The following MTR variants were observed in gnomAD, a reference collection of about 807,000 sequenced individuals.
MTR encodes the protein 5-methyltetrahydrofolate-homocysteine methyltransferase.
Under a neutral mutation model 154.8 loss-of-function variants are expected in MTR, and 84 were observed. The observed-to-expected ratio is 0.54, with a 90% CI of 0.45 to 0.65. MTR has a LOEUF of 0.65. Among genes scored for constraint, MTR ranks in the 30% least tolerant of loss-of-function variants. The pLI, the probability that MTR is intolerant of heterozygous loss-of-function variation, is 0.00. For synonymous variants in MTR, 554 were observed against 553.9 expected (o/e 1.00, Z 0.00); for missense variants, 1,275 against 1,570.2 (o/e 0.81, Z 3.18).
At chr1:236,894,327 C>T (rs1441880132) in intron 29 of MTR, 30 bp from the exon 30 acceptor site, 24 of 1,612,882 alleles carry the variant, frequency 1.5e-5, no homozygotes, top group Non-Finnish European at 2.0e-5. Context: ...AACGGCGCCC[C>T]CGCACACTCC....
Position 236,824,151 on chromosome 1 carries a change from A to G in MTR, c.797A>G (p.Glu266Gly). 1 of 1,614,086 alleles carries G rather than the reference A, an allele frequency of 6.2e-7. No individual in the cohort carries two copies. Residue 266 changes from glutamate (E) to glycine (G), a missense_variant, in exon 9 of 33, where the codon GAA (glutamate) becomes GGA (glycine). By Grantham distance (98) the Glu-to-Gly change is moderately conservative. Coordinates refer to ENST00000366577, the MANE Select transcript of MTR (RefSeq NM_000254.3). ...IGLNCALGAA[E>G]MRPFIEIIGK... The stretch of plus-strand genomic sequence containing the variant: ...TTAAATTGTGCTTTGGGTGCAGCTG[A>G]AATGAGACCTTTTATTGAAATAATT...
At chr1:236,872,195 G>A (rs1273169211) in intron 22 of MTR, among the ~76,000 whole-genome samples, 1 of 152,130 alleles carries the variant, frequency 6.6e-6, no homozygotes, top group Non-Finnish European at 1.5e-5. Context: ...AGACATTCCT[G>A]TTTCCTCTGA....
chr1:236,853,572 A>G (rs1415495969), intron 18 of MTR, among the ~76,000 whole-genome samples: 1 of 152,168 alleles, frequency 6.6e-6, no homozygotes, highest in Non-Finnish European at 1.5e-5. Context: ...AGATGCTTTT[A>G]TGGTAATATT....
Position 236,897,042 on chromosome 1 carries a change from C to T in MTR, c.3635C>T (p.Ala1212Val). ...RLTESLAMAPASAVSGLYFSN... is the reference protein window; with the variant it reads ...RLTESLAMAPVSAVSGLYFSN... ...ACAGAATCATTAGCAATGGCACCTG[C>T]TTCAGCAGTCTCAGGCCTCTACTTC... Residue 1212 changes from alanine to valine, a missense_variant, in exon 32 of 33, where the codon GCT (alanine) becomes GTT (valine). By Grantham distance (64) the Ala-to-Val change is moderately conservative. Coordinates refer to ENST00000366577, the MANE Select transcript of MTR (RefSeq NM_000254.3). 6.2e-7 allele frequency: 1 copy of T among 1,614,134 alleles called. No homozygotes were observed. The highest frequency in any genetic ancestry group is 1.1e-5 in the South Asian group (1 of 91,076).
rs1364131382 is a variant in MTR, at chr1:236,815,588, C to G, written c.610-16C>G. 1 of 1,613,570 alleles carries G rather than the reference C, an allele frequency of 6.2e-7. No individual in the cohort carries two copies. Among genetic ancestry groups the G allele is most frequent in the Non-Finnish European group, 8.5e-7 (1 of 1,179,674 alleles). ...ACTCTCAGAAATAAAGACGTTCTTT[C>G]TTTTTTCCCTGACAGGCAGCCTTGT... On this transcript the variant is annotated splice_polypyrimidine_tract_variant and intron_variant, in intron 6 of 32. Transcript: ENST00000366577.
chr1:236,861,015 C>T (rs1044512465), intron 19 of MTR, 110 bp from the exon 20 acceptor site: 5 of 928,222 alleles, frequency 5.4e-6, no homozygotes, highest in African/African-American at 1.7e-5. Flanking sequence ...CTTCTGGAAC[C>T]TGTGCTGTTA....
intron 12 of MTR, 73 bp downstream of exon 12, chr1:236,829,341 A>G: frequency 7.9e-7 from 1 of 1,262,816 alleles, no homozygotes; most frequent in South Asian, 1.2e-5. Flanking sequence ...AGTGGTAGTG[A>G]TGTTTGTGCT....
At chr1:236,853,149 AC>A in intron 18 of MTR, 61 bp downstream of exon 18, 1 of 1,526,942 alleles carries the variant, frequency 6.5e-7, no homozygotes, top group Non-Finnish European at 9.1e-7. Context: ...TTACTCACCT[AC>A]AGTTAGTAGA....
chr1:236,833,799 T>C (rs1194327617), intron 13 of MTR, among the ~76,000 whole-genome samples: 3 of 152,348 alleles, frequency 2.0e-5, no homozygotes, highest in Middle Eastern at 3.4e-3. Flanking sequence ...GAAGCTGTTA[T>C]TCCGTGATTC....
At chr1:236,834,237 T>C (rs1489124980) in intron 13 of MTR, among the ~76,000 whole-genome samples, 1 of 152,252 alleles carries the variant, frequency 6.6e-6, no homozygotes, top group South Asian at 2.1e-4. Flanking sequence ...TGGAGTGCGA[T>C]GGCATGATCT....
chr1:236,889,524 A>G (rs1166222401), intron 28 of MTR, among the ~76,000 whole-genome samples, 188 bp downstream of exon 28: 2 of 152,192 alleles, frequency 1.3e-5, no homozygotes, highest in Non-Finnish European at 2.9e-5. Context: ...CATCAACTAA[A>G]TTTGGTATTT....
In MTR at chr1:236,885,332, AT is replaced by A. The variant is rs1245156398; in HGVS notation, c.2775+117del. 8 of 722,400 alleles carry A rather than the reference AT, an allele frequency of 1.1e-5. No homozygotes were observed. In the East Asian group the frequency reaches 2.1e-4, roughly 19 times the overall value. The allele number at this position is 722,400 out of a possible 1,614,324, so 44.7% of individuals were successfully genotyped here. On this transcript the variant is annotated intron_variant, in intron 26 of 32. Coordinates refer to ENST00000366577, the MANE Select transcript of MTR (RefSeq NM_000254.3). ...TGAGGAGTGTAAAAGGCTTTGGATC[AT>A]TTTAGAGAATTTCTGTCTTCTAGTT...
At chr1:236,796,449 C>T (rs1469583468) in intron 1 of MTR, among the ~76,000 whole-genome samples, 3 of 152,282 alleles carry the variant, frequency 2.0e-5, no homozygotes, top group South Asian at 2.1e-4. Context: ...GACAAATACA[C>T]CCGTAAAAAC....
chr1:236,810,758 TC>T (rs1487372506), intron 5 of MTR, among the ~76,000 whole-genome samples, 163 bp downstream of exon 5: 1 of 152,210 alleles, frequency 6.6e-6, no homozygotes, highest in East Asian at 1.9e-4. Context: ...ATAGTAGACA[TC>T]TAAATAGAAA....
chr1:236,861,112 T>TG lies in MTR; in HGVS notation c.2044-13_2044-12insG, dbSNP rs1558318084. ...CTTTCTTTTTCTTTTTTTTTTTTTT[T>TG]TGTCTTTTTTAGGGCATTGAAAAAC... On this transcript the variant is annotated splice_polypyrimidine_tract_variant and intron_variant, in intron 19 of 32. Transcript: ENST00000366577. 11 of 1,532,966 alleles carry TG rather than the reference T, an allele frequency of 7.2e-6. No homozygotes were observed. The highest frequency in any genetic ancestry group is 3.8e-5 in the South Asian group (3 of 79,470). 95.0% of individuals were successfully genotyped at this position (1,532,966 alleles called of 1,614,324 possible). A position where few individuals can be genotyped will look rare whatever the true frequency, so the allele number is the denominator to read the frequency against.
intron 15 of MTR, among the ~76,000 whole-genome samples, chr1:236,842,526 C>T (rs1035803209): frequency 1.3e-5 from 2 of 151,934 alleles, no homozygotes; most frequent in African/African-American, 2.4e-5. Context: ...TCCTCCAAAC[C>T]GTCTATTGAG....
chr1:236,861,401 A>C, intron 20 of MTR, 124 bp downstream of exon 20: 1 of 1,361,010 alleles, frequency 7.3e-7, no homozygotes, highest in Non-Finnish European at 1.0e-6. Flanking sequence ...TTGGCTAGTC[A>C]TTCCTTCTCT....
At chr1:236,826,494 C>T (rs1217432989) in intron 10 of MTR, among the ~76,000 whole-genome samples, 1 of 152,078 alleles carries the variant, frequency 6.6e-6, no homozygotes, top group African/African-American at 2.4e-5. Context: ...TGAGGTCTTG[C>T]TATATTGCCC....
At chr1:236,852,671 C>G in intron 17 of MTR, 34 bp downstream of exon 17, 1 of 1,581,070 alleles carries the variant, frequency 6.3e-7, no homozygotes, top group Non-Finnish European at 8.7e-7. Context: ...CTGCGGAAAC[C>G]AGTTTTTAGT....
Sources: allele counts gnomAD v4.1 joint callset (sites outside exome capture counted in the v4.1 genomes callset), GRCh38; gene constraint gnomAD v4.1.1; transcripts MANE v1.5; gene names NCBI Gene and HGNC (gene_info 2026-07-23, HGNC 2026-07-21).